The following CNTN4 variants were observed in gnomAD, a reference collection of about 807,000 sequenced individuals.
The protein encoded by CNTN4 is contactin-4.
Under a neutral mutation model 122.5 loss-of-function variants are expected in CNTN4, and 77 were observed. The ratio of observed to expected loss-of-function variants is 0.63; its 90% CI spans 0.52 to 0.76. CNTN4 has a LOEUF of 0.76. CNTN4 is among the 30% of genes least tolerant of loss of function. CNTN4 has a pLI of 0.00. For synonymous variants in CNTN4, 512 were observed against 447.0 expected, an observed-to-expected ratio of 1.15 and a Z score of -1.83; for missense variants, 1,256 against 1,259.1, an observed-to-expected ratio of 1.00 and a Z score of 0.04.
chr3:2,332,580 C>G (rs767261695), intron 2 of CNTN4, among the ~76,000 whole-genome samples: 1 of 151,772 alleles, frequency 6.6e-6, no homozygotes, highest in Non-Finnish European at 1.5e-5. Context: ...GATTAAAATC[C>G]TCAAGTAAAG....
chr3:2,778,810 A>C (rs1319242443), intron 6 of CNTN4, among the ~76,000 whole-genome samples: 2 of 152,216 alleles, frequency 1.3e-5, no homozygotes, highest in Non-Finnish European at 2.9e-5. Flanking sequence ...GGCTTTCACC[A>C]AGCAGATCCA....
rs182704712 is a variant in CNTN4, at chr3:2,716,283, A to G, written c.56-19932A>G. Among the ~76,000 whole-genome samples, 821 of 151,952 alleles carry G rather than the reference A, an allele frequency of 5.4e-3. 4 individuals carry two copies. Among genetic ancestry groups the G allele is most frequent in the South Asian group, 0.017 (83 of 4,824 alleles). On this transcript the variant is annotated intron_variant, in intron 4 of 24. Transcript: ENST00000418658. ...CATTTCTTAATATATTGTAATTGAG[A>G]TAAAGCACAGCATTATCATATATCA...
chr3:3,049,117 C>G (rs764001225), intron 23 of CNTN4, among the ~76,000 whole-genome samples: 1 of 152,228 alleles, frequency 6.6e-6, no homozygotes, highest in Non-Finnish European at 1.5e-5. Flanking sequence ...GAGTCTCCCT[C>G]TGTCACGCAA....
At chr3:2,429,255 A>G (rs1356554674) in intron 3 of CNTN4, among the ~76,000 whole-genome samples, 3 of 151,890 alleles carry the variant, frequency 2.0e-5, no homozygotes, top group Non-Finnish European at 2.9e-5. Context: ...TACAGATGGG[A>G]TTTTGTTGTG....
intron 2 of CNTN4, chr3:2,144,072 A>G (rs1344499169): frequency 2.0e-5 from 3 of 152,244 alleles, no homozygotes; most frequent in Non-Finnish European, 4.4e-5. Context: ...GCAAAGCTCC[A>G]TCCCTTTCTT....
intron 13 of CNTN4, among the ~76,000 whole-genome samples, chr3:2,944,609 A>G (rs2094654542): frequency 6.8e-6 from 1 of 147,058 alleles, no homozygotes; most frequent in Admixed American, 6.6e-5. Flanking sequence ...TAAGAAAACT[A>G]ACAGGAATAA....
chr3:2,313,133 A>G (rs1316281202), intron 2 of CNTN4, among the ~76,000 whole-genome samples: 1 of 152,086 alleles, frequency 6.6e-6, no homozygotes, highest in Non-Finnish European at 1.5e-5. Flanking sequence ...ATCAAGAAAT[A>G]GAAACAAAAA....
chr3:2,581,995 G>A (rs2079962508), intron 4 of CNTN4, among the ~76,000 whole-genome samples: 1 of 152,198 alleles, frequency 6.6e-6, no homozygotes, highest in South Asian at 2.1e-4. Flanking sequence ...CAAGGAGTGA[G>A]GGAGGATAAG....
intron 4 of CNTN4, among the ~76,000 whole-genome samples, chr3:2,632,064 G>GCACACACACA (rs35316929): frequency 9.7e-5 from 14 of 143,938 alleles, no homozygotes; most frequent in African/African-American, 3.5e-4. Flanking sequence ...ATACACATAC[G>GCACACACACA]CACACACACA....
chr3:2,239,743 A>G (rs1223190358), intron 2 of CNTN4, among the ~76,000 whole-genome samples: 1 of 152,212 alleles, frequency 6.6e-6, no homozygotes, highest in Non-Finnish European at 1.5e-5. Flanking sequence ...GGAGAAAGGT[A>G]AATTCATTTA....
chr3:2,977,968 A>T (rs756219844), intron 13 of CNTN4, among the ~76,000 whole-genome samples: 17 of 152,136 alleles, frequency 1.1e-4, no homozygotes, highest in Non-Finnish European at 1.8e-4. Flanking sequence ...GATTGGAGTG[A>T]TGCCTCTGCA....
At chr3:2,794,296 G>A (rs1046797364) in intron 6 of CNTN4, among the ~76,000 whole-genome samples, 2 of 152,320 alleles carry the variant, frequency 1.3e-5, no homozygotes, top group East Asian at 1.9e-4. Context: ...CTCAGGGTAT[G>A]CTTAGGAAGG....
intron 13 of CNTN4, among the ~76,000 whole-genome samples, chr3:2,938,210 G>A (rs1477099891): frequency 6.6e-6 from 1 of 151,936 alleles, no homozygotes; most frequent in Non-Finnish European, 1.5e-5. Context: ...GGGGATTCAG[G>A]TTACTTATTA....
intron 7 of CNTN4, among the ~76,000 whole-genome samples, chr3:2,834,944 G>A (rs1249137409): frequency 4.8e-5 from 4 of 83,460 alleles, no homozygotes; most frequent in Admixed American, 1.9e-4. Context: ...TCTCTCTGTC[G>A]CCCAGGCTGG....
chr3:2,504,819 A>G (rs553590395), intron 3 of CNTN4, among the ~76,000 whole-genome samples: 1 of 152,292 alleles, frequency 6.6e-6, no homozygotes, highest in South Asian at 2.1e-4. Flanking sequence ...TTCAAATTGA[A>G]TTACATTCTG....
At chr3:2,890,289 T>A (rs1007124419) in intron 10 of CNTN4, among the ~76,000 whole-genome samples, 1 of 152,222 alleles carries the variant, frequency 6.6e-6, no homozygotes, top group Non-Finnish European at 1.5e-5. Context: ...TTTTCTGGTC[T>A]GGGTCTTCCC....
At chr3:2,797,712 G>C (rs1057360424) in intron 6 of CNTN4, among the ~76,000 whole-genome samples, 1 of 152,150 alleles carries the variant, frequency 6.6e-6, no homozygotes, top group Non-Finnish European at 1.5e-5. Context: ...GAATCTCCAA[G>C]AGTTCAATAT....
At chr3:2,586,996 T>A (rs2080232605) in intron 4 of CNTN4, among the ~76,000 whole-genome samples, 1 of 152,224 alleles carries the variant, frequency 6.6e-6, no homozygotes, top group African/African-American at 2.4e-5. Context: ...TATAAACTTT[T>A]AGCTAATGAA....
intron 4 of CNTN4, among the ~76,000 whole-genome samples, chr3:2,605,948 A>T (rs760802352): frequency 5.3e-5 from 8 of 152,218 alleles, no homozygotes; most frequent in Non-Finnish European, 1.0e-4. Context: ...TGAATGATGT[A>T]AGTGGCTACG....
Sources: allele counts gnomAD v4.1 joint callset (sites outside exome capture counted in the v4.1 genomes callset), GRCh38; gene constraint gnomAD v4.1.1; transcripts MANE v1.5; gene names NCBI Gene and HGNC (gene_info 2026-07-23, HGNC 2026-07-21).